TRIM43: variants seen among roughly 807,000 people sequenced by gnomAD.
TRIM43 encodes tripartite motif containing 43.
A neutral mutation model predicts 27.7 loss-of-function variants in TRIM43; 12 were observed. The ratio of observed to expected loss-of-function variants is 0.43; its 90% CI spans 0.28 to 0.70. The LOEUF is 0.70. Ranked by LOEUF, TRIM43 falls within the 30% of genes least tolerant of loss-of-function variation. The pLI is 0.17. For missense variants in TRIM43, 186 were observed against 356.5 expected, an observed-to-expected ratio of 0.52 and a Z score of 3.85; for synonymous variants, 64 against 121.9, an observed-to-expected ratio of 0.52 and a Z score of 3.13.
chr2:95,592,398 A>AT lies in TRIM43; in HGVS notation c.-5+250dup, dbSNP rs1217199804. ...GTTTATTTATTTATTTTGAGATGGA[A>AT]TCACGCTCTATTGCCAGGCTGGAGT... On this transcript the variant is annotated intron_variant, in intron 1 of 6. Transcript: ENST00000272395. Among the ~76,000 whole-genome samples, 9 of 151,716 alleles carry AT rather than the reference A, an allele frequency of 5.9e-5. 1 individual carries two copies. The highest frequency in any genetic ancestry group is 1.9e-4 in the African/African-American group (8 of 41,256).
chr2:95,594,517 T>G, intron 2 of TRIM43, 83 bp downstream of exon 2: 5 of 1,553,972 alleles, frequency 3.2e-6, no homozygotes, highest in Non-Finnish European at 4.3e-6. Context: ...ATCATGGTGA[T>G]TACTCCATTC....
At position 95,594,076 on chromosome 2, in the gene TRIM43, G is replaced by C; in HGVS notation, c.53G>C (p.Cys18Ser). The change falls in exon 2 of 7, where the codon TGT becomes TCT. Residue 18 changes from cysteine (C) to serine (S), a missense_variant. Physicochemically the swap from Cys to Ser is moderately radical, Grantham distance 112 (BLOSUM62 -1). This residue lies in a region of TRIM43 where 41 missense variants were observed against 46.1 expected (regional missense o/e 0.89). Coordinates refer to ENST00000272395, the MANE Select transcript of TRIM43 (RefSeq NM_138800.3). Reference protein sequence around the residue: ...AFQKELTCVICLNYLVDPVTI... With the variant: ...AFQKELTCVISLNYLVDPVTI... ...CAGAAGGAACTCACCTGCGTCATCT[G>C]TTTGAACTACCTGGTAGACCCTGTC... is the stretch of plus-strand genomic sequence containing the variant. 1.2e-6 allele frequency: 2 copies of C among 1,613,118 alleles called. No individual in the cohort carries two copies. Among genetic ancestry groups the C allele is most frequent in the Non-Finnish European group, 1.7e-6 (2 of 1,179,674 alleles).
At chr2:95,596,002 A>G (rs1199210202) in intron 3 of TRIM43, among the ~76,000 whole-genome samples, 200 bp from the exon 4 acceptor site, 3 of 151,486 alleles carry the variant, frequency 2.0e-5, no homozygotes, top group Non-Finnish European at 4.4e-5. Flanking sequence ...TTTGATTTAA[A>G]CATTTAAACC....
chr2:95,596,508 A>G (rs1328424909), intron 4 of TRIM43, 76 bp downstream of exon 4: 2 of 1,484,436 alleles, frequency 1.3e-6, no homozygotes, highest in Non-Finnish European at 1.8e-6. Flanking sequence ...TGGGTACCAA[A>G]GACATTATTT....
chr2:95,594,629 G>A (rs1685321586), intron 2 of TRIM43, among the ~76,000 whole-genome samples, 195 bp downstream of exon 2: 7 of 150,372 alleles, frequency 4.7e-5, no homozygotes, highest in Admixed American at 3.3e-4. Context: ...AAAAGAGACT[G>A]ATTAAGTAAA....
rs145482280 is a variant in TRIM43 at position 95,594,068 on chromosome 2, C to T, written c.45C>T (p.Cys15=). 5.6e-4 allele frequency: 896 copies of T among 1,612,122 alleles called. 23 individuals are homozygous for T. In the South Asian group the frequency reaches 6.5e-3, roughly 12 times the overall value. ...ATGCCTTCCAGAAGGAACTCACCTG[C>T]GTCATCTGTTTGAACTACCTGGTAG... The part of the protein sequence containing the change: ...FSHAFQKELT[C]VICLNYLVDP... Residue 15 remains cysteine (C), a synonymous_variant, in exon 2 of 7, where the codon TGC becomes TGT. Coordinates refer to ENST00000272395, the MANE Select transcript of TRIM43 (RefSeq NM_138800.3).
chr2:95,594,691 C>T (rs1180052316), intron 2 of TRIM43, among the ~76,000 whole-genome samples: 1 of 150,160 alleles, frequency 6.7e-6, no homozygotes, highest in South Asian at 2.1e-4. Context: ...GAAAAGCTAC[C>T]AAAACTACCA....
intron 3 of TRIM43, 28 bp from the exon 4 acceptor site, chr2:95,596,174 A>G (rs1685352134): frequency 1.2e-6 from 2 of 1,606,182 alleles, no homozygotes; most frequent in Non-Finnish European, 1.7e-6. Flanking sequence ...GCCTGGGTAT[A>G]TAACCTACAA....
chr2:95,596,130 G>A (rs952039536), intron 3 of TRIM43, 72 bp from the exon 4 acceptor site: 34 of 1,572,300 alleles, frequency 2.2e-5, no homozygotes, highest in Admixed American at 7.0e-5. Flanking sequence ...GGAATGAGGA[G>A]GATGAAGTTG....
At chr2:95,593,833 T>A (rs1400487095) in intron 1 of TRIM43, among the ~76,000 whole-genome samples, 187 bp from the exon 2 acceptor site, 1 of 151,878 alleles carries the variant, frequency 6.6e-6, no homozygotes, top group Admixed American at 6.6e-5. Context: ...GAACAGTCAC[T>A]TTTTATAGAG....
chr2:95,594,432 C>T lies in TRIM43; in HGVS notation c.409C>T (p.Arg137Trp), dbSNP rs1368522411. ...HPIEEAAEEH[R>W]EKLLKQMRIL... ...CATCGAAGAGGCAGCTGAGGAACAC[C>T]GGGTAAGAGATAGCTCTGTGATCAC... Residue 137 changes from arginine to tryptophan, a missense_variant and splice_region_variant, in exon 2 of 7, where the codon CGG (arginine) becomes TGG (tryptophan). Physicochemically the swap from Arg to Trp is moderately radical, Grantham distance 101. This residue lies in a region of TRIM43 where 91 missense variants were observed against 119.3 expected (regional missense o/e 0.76). Transcript: ENST00000272395. 30 of 1,610,646 alleles carry T rather than the reference C, an allele frequency of 1.9e-5. 1 individual carries two copies. The highest frequency in any genetic ancestry group is 1.3e-4 in the African/African-American group (10 of 74,620).
In TRIM43 at chr2:95,594,020, G is replaced by T. The variant is rs758379286; in HGVS notation, c.-4G>T. 12 of 1,612,010 alleles carry T rather than the reference G, an allele frequency of 7.4e-6. No homozygotes were observed. The East Asian group carries it at 2.2e-4, about 30-fold the overall frequency. ...AATTCCTGTGGTTTTCTTTCCTTAG[G>T]AAAATGGACTCAGACTTCTCACATG... On this transcript the variant is annotated splice_region_variant and 5_prime_UTR_variant, in exon 2 of 7. Coordinates refer to ENST00000272395, the MANE Select transcript of TRIM43 (RefSeq NM_138800.3).
intron 1 of TRIM43, among the ~76,000 whole-genome samples, chr2:95,593,383 G>A (rs1277977458): frequency 7.0e-6 from 1 of 143,264 alleles, no homozygotes; most frequent in Non-Finnish European, 1.6e-5. Flanking sequence ...AAACATGCCA[G>A]AAAGTTTTTG....
At position 95,596,358 on chromosome 2, in the gene TRIM43, A is replaced by G; in HGVS notation, c.664A>G (p.Lys222Glu). Residue 222 changes from lysine to glutamate, a missense_variant, in exon 4 of 7, where the codon AAG becomes GAG. By Grantham distance (56) the Lys-to-Glu change is moderately conservative (BLOSUM62 1). Transcript: ENST00000272395. ...LQRSWVKMDQ[K>E]SKHLKEMYQE... Reference sequence around the variant, plus strand: ...GAGAAGTTGGGTCAAAATGGATCAAAAGAGTAAACACTTGAAAGAAATGTA... The same window carrying G: ...GAGAAGTTGGGTCAAAATGGATCAAGAGAGTAAACACTTGAAAGAAATGTA... The G allele has an allele frequency of 3.7e-6, 6 of 1,606,554 alleles. No individual in the cohort carries two copies. Among genetic ancestry groups the G allele is most frequent in the Non-Finnish European group, 5.1e-6 (6 of 1,175,816 alleles).
chr2:95,592,823 GTTTTTA>G lies in TRIM43; in HGVS notation c.-5+684_-5+689del, dbSNP rs564605257. Reference sequence around the variant, plus strand: ...GGCTTGAGTCACCTTCCCTGGCTTGGTTTTTATTTTTATTTGTATTTTAGCAAAACA... The same window carrying G: ...GGCTTGAGTCACCTTCCCTGGCTTGGTTTTTATTTGTATTTTAGCAAAACA... On this transcript the variant is annotated intron_variant, in intron 1 of 6. Transcript: ENST00000272395. Among the ~76,000 whole-genome samples the G allele has an allele frequency of 3.6e-3, 549 of 151,166 alleles. 10 individuals are homozygous for G. The highest frequency in any genetic ancestry group is 0.013 in the African/African-American group (521 of 41,144).
chr2:95,595,145 GGTAA>G lies in TRIM43; in HGVS notation c.507+4_507+7del. The G allele has an allele frequency of 6.2e-7, 1 of 1,610,316 alleles. No individual in the cohort carries two copies. The highest frequency in any genetic ancestry group is 8.5e-7 in the Non-Finnish European group (1 of 1,178,090). On this transcript the variant is annotated splice_donor_variant and splice_donor_region_variant and intron_variant, in intron 3 of 6. Transcript: ENST00000272395. LOFTEE classifies it high-confidence loss of function. ...AGGGAAGAACAGCCTTCCTCTGGAG[GGTAA>G]GTATGAGACCGTGAGTCCTCCTGAC...
In TRIM43 at chr2:95,596,216, A is replaced by G; in HGVS notation, c.522A>G (p.Leu174=). The part of the protein sequence containing the change: ...TAFLWRGNVV[L]RAQMIRNEYR... The stretch of plus-strand genomic sequence containing the variant: ...TATCCCTACAGGGCAATGTGGTTTT[A>G]CGGGCACAGATGATCAGGAATGAGT... The change falls in exon 4 of 7, where the codon TTA becomes TTG. Residue 174 remains leucine (L), a synonymous_variant. Coordinates refer to ENST00000272395, the MANE Select transcript of TRIM43 (RefSeq NM_138800.3). The G allele has an allele frequency of 6.2e-7, 1 of 1,610,558 alleles. No homozygotes were observed.
Position 95,594,355 on chromosome 2 carries a change from T to C in TRIM43, c.332T>C (p.Leu111Pro). Residue 111 changes from leucine (L) to proline (P), a missense_variant, in exon 2 of 7, where the codon CTC (leucine) becomes CCC (proline). Physicochemically the swap from Leu to Pro is moderately conservative, Grantham distance 98. This residue lies in a region of TRIM43 where 91 missense variants were observed against 119.3 expected (regional missense o/e 0.76). Transcript: ENST00000272395. Reference protein sequence around the residue: ...KMFCDMDKSLLCLLCSNSQEH... With the variant: ...KMFCDMDKSLPCLLCSNSQEH... The stretch of plus-strand genomic sequence containing the variant: ...TTCTGTGACATGGACAAGAGTCTCC[T>C]CTGCTTGCTGTGCTCCAACTCTCAG... The C allele has an allele frequency of 6.2e-7, 1 of 1,610,756 alleles. No individual in the cohort carries two copies. The highest frequency in any genetic ancestry group is 2.2e-5 in the East Asian group (1 of 44,842).
Position 95,594,043 on chromosome 2 carries a change from A to G in TRIM43, c.20A>G (p.His7Arg), listed in dbSNP as rs755891656. 1.9e-6 allele frequency: 3 copies of G among 1,613,020 alleles called. No homozygotes were observed. Among genetic ancestry groups the G allele is most frequent in the South Asian group, 1.1e-5 (1 of 91,016 alleles). ...AGGAAAATGGACTCAGACTTCTCAC[A>G]TGCCTTCCAGAAGGAACTCACCTGC... MDSDFS[H>R]AFQKELTCVI... Residue 7 changes from histidine (H) to arginine (R), a missense_variant, in exon 2 of 7, where the codon CAT (histidine) becomes CGT (arginine). This residue lies in a region of TRIM43 where 41 missense variants were observed against 46.1 expected (regional missense o/e 0.89). Transcript: ENST00000272395.
Sources: allele counts gnomAD v4.1 joint callset (sites outside exome capture counted in the v4.1 genomes callset), GRCh38; gene constraint gnomAD v4.1.1; regional missense constraint gnomAD v4.1.1; transcripts MANE v1.5; gene names NCBI Gene and HGNC (gene_info 2026-07-23, HGNC 2026-07-21).